The following CNOT10 variants were observed in gnomAD, a reference collection of about 807,000 sequenced individuals.
CNOT10 encodes the protein CCR4-NOT transcription complex, subunit 10.
A neutral mutation model predicts 94.6 loss-of-function variants in CNOT10; 30 were observed. The observed-to-expected ratio is 0.32, with a 90% CI of 0.24 to 0.43. The LOEUF (loss-of-function observed/expected upper bound fraction) is 0.43, where lower values mean the gene tolerates loss of function less well. CNOT10 is among the 20% of genes least tolerant of loss of function. CNOT10 has a pLI of 1.00. For synonymous variants in CNOT10, 289 were observed against 301.6 expected (o/e 0.96, Z 0.43); for missense variants, 759 against 877.2 (o/e 0.87, Z 1.70).
intron 9 of CNOT10, among the ~76,000 whole-genome samples, chr3:32,726,297 G>A (rs1040100140): frequency 6.6e-6 from 1 of 152,050 alleles, no homozygotes. Flanking sequence ...AGCATCTGAC[G>A]GTCTTTAAGC....
chr3:32,772,094 T>G (rs1700931618), intron 18 of CNOT10, among the ~76,000 whole-genome samples: 1 of 152,182 alleles, frequency 6.6e-6, no homozygotes, highest in African/African-American at 2.4e-5. Context: ...CTCATGCATG[T>G]AATCCCAACA....
chr3:32,723,387 G>A (rs113324150), intron 8 of CNOT10, among the ~76,000 whole-genome samples: 5,476 of 145,680 alleles, frequency 0.038, 166 homozygotes, highest in Middle Eastern at 0.079. Context: ...GTGAGACTCC[G>A]TCTCAAAAAA....
At chr3:32,709,498 T>G (rs1697771392) in intron 4 of CNOT10, among the ~76,000 whole-genome samples, 1 of 152,206 alleles carries the variant, frequency 6.6e-6, no homozygotes, top group Admixed American at 6.5e-5. Context: ...GCCTGATTGC[T>G]CATGTGGTTA....
chr3:32,716,377 C>A, intron 6 of CNOT10, 66 bp downstream of exon 6: 1 of 770,988 alleles, frequency 1.3e-6, no homozygotes, highest in Non-Finnish European at 2.2e-6. Context: ...ACAAATGAAG[C>A]AATGAGATAG....
chr3:32,704,067 C>CAATTTTTACTCTGTA, intron 2 of CNOT10, 105 bp downstream of exon 2: 3 of 623,526 alleles, frequency 4.8e-6, no homozygotes, highest in Admixed American at 6.6e-5. Context: ...TGTAATAATT[C>CAATTTTTACTCTGTA]AAAAGTTAAT....
chr3:32,713,222 C>A lies in CNOT10; in HGVS notation c.431-5C>A. ...CTATTCTTTTCTGTGTTTTTTTTCT[C>A]CCAGAAGAAAAATTTGCCCAAGCAG... On this transcript the variant is annotated splice_polypyrimidine_tract_variant and splice_region_variant and intron_variant, in intron 4 of 18. Transcript: ENST00000328834. The A allele has an allele frequency of 1.3e-6, 2 of 1,555,268 alleles. No individual in the cohort carries two copies. The highest frequency in any genetic ancestry group is 8.6e-7 in the Non-Finnish European group (1 of 1,161,250).
In CNOT10 at chr3:32,704,936, T is replaced by C. The variant is rs367624838; in HGVS notation, c.243T>C (p.Asp81=). 13 of 1,550,844 alleles carry C rather than the reference T, an allele frequency of 8.4e-6. 1 individual carries two copies. The African/African-American group carries it at 1.4e-4, about 17-fold the overall frequency. Reference sequence around the variant, plus strand: ...TTAAAAGTAACCAAACAACAACAGATAATTTGAGACAAACACTTAACCAGC... The same window carrying C: ...TTAAAAGTAACCAAACAACAACAGACAATTTGAGACAAACACTTAACCAGC... The part of the protein sequence containing the change: ...EFFKSNQTTT[D]NLRQTLNQLK... The change falls in exon 3 of 19, where the codon GAT becomes GAC. Residue 81 remains aspartate (D), a synonymous_variant. Coordinates refer to ENST00000328834, the MANE Select transcript of CNOT10 (RefSeq NM_015442.3).
chr3:32,756,539 C>T (rs909885899), intron 13 of CNOT10, among the ~76,000 whole-genome samples: 29 of 152,132 alleles, frequency 1.9e-4, no homozygotes, highest in African/African-American at 5.1e-4. Context: ...TGGGTCTTGT[C>T]CTAGACTCTA....
chr3:32,728,708 A>T (rs1698796022), intron 10 of CNOT10, among the ~76,000 whole-genome samples: 1 of 152,214 alleles, frequency 6.6e-6, no homozygotes, highest in East Asian at 1.9e-4. Flanking sequence ...AGCCAGTGAG[A>T]AAGTCATGTA....
At chr3:32,748,116 C>G (rs1265268123) in intron 13 of CNOT10, among the ~76,000 whole-genome samples, 2 of 152,206 alleles carry the variant, frequency 1.3e-5, no homozygotes, top group East Asian at 3.9e-4. Flanking sequence ...CCTTGGCCCC[C>G]CAAAGCATCG....
At chr3:32,742,879 A>T (rs1240939025) in intron 13 of CNOT10, among the ~76,000 whole-genome samples, 1 of 152,186 alleles carries the variant, frequency 6.6e-6, no homozygotes, top group Non-Finnish European at 1.5e-5. Flanking sequence ...TGCTGCAGTG[A>T]ATATGGTTAT....
At chr3:32,723,124 TG>T (rs962777018) in intron 8 of CNOT10, among the ~76,000 whole-genome samples, 1 of 152,162 alleles carries the variant, frequency 6.6e-6, no homozygotes, top group African/African-American at 2.4e-5. Flanking sequence ...CCGGGCACGG[TG>T]GCTCACACCT....
At chr3:32,723,953 G>A (rs928354798) in intron 8 of CNOT10, among the ~76,000 whole-genome samples, 5 of 152,094 alleles carry the variant, frequency 3.3e-5, no homozygotes, top group Non-Finnish European at 5.9e-5. Flanking sequence ...GGTGGCCCGT[G>A]CCTGTAGTCC....
At chr3:32,773,383 G>A in intron 18 of CNOT10, 74 bp from the exon 19 acceptor site, 1 of 1,456,546 alleles carries the variant, frequency 6.9e-7, no homozygotes, top group South Asian at 1.4e-5. Context: ...CTCCCCAGCA[G>A]GATTTTCATG....
chr3:32,686,413 CAAAT>C (rs1696603280), intron 1 of CNOT10, among the ~76,000 whole-genome samples: 1 of 152,074 alleles, frequency 6.6e-6, no homozygotes, highest in African/African-American at 2.4e-5. Context: ...CAATAACTGA[CAAAT>C]GAACTTCACT....
At chr3:32,712,883 A>G (rs1697953162) in intron 4 of CNOT10, among the ~76,000 whole-genome samples, 2 of 152,174 alleles carry the variant, frequency 1.3e-5, no homozygotes, top group Admixed American at 6.5e-5. Context: ...CAAATTTCAG[A>G]TTTCAACATT....
At chr3:32,763,379 G>A (rs954410427) in intron 15 of CNOT10, among the ~76,000 whole-genome samples, 10 of 152,122 alleles carry the variant, frequency 6.6e-5, no homozygotes, top group African/African-American at 1.7e-4. Flanking sequence ...TGTCGGGTGC[G>A]GTGGCTCACA....
At chr3:32,713,506 ACAATTTTCAT>A in intron 5 of CNOT10, 137 bp downstream of exon 5, 1 of 660,502 alleles carries the variant, frequency 1.5e-6, no homozygotes. Context: ...GCTTAAAGAT[ACAATTTTCAT>A]ATTATAAGCT....
Position 32,757,110 on chromosome 3 carries a change from GAAAAAAAA to G in CNOT10, c.1596-2339_1596-2332del, listed in dbSNP as rs1167248770. On this transcript the variant is annotated intron_variant, in intron 13 of 18. Transcript: ENST00000328834. Reference sequence around the variant, plus strand: ...AACAGAGCAAGACTCCGTCTCAAAAGAAAAAAAAAAAAAAAAGATACTAAATTTTGTAA... The same window carrying G: ...AACAGAGCAAGACTCCGTCTCAAAAGAAAAAAAAGATACTAAATTTTGTAA... Among the ~76,000 whole-genome samples the G allele has an allele frequency of 5.1e-4, 26 of 50,942 alleles. 1 individual carries two copies. The South Asian group carries it at 0.018, about 36-fold the overall frequency. 33.4% of individuals were successfully genotyped at this position (50,942 alleles called of 152,430 possible). A position where few individuals can be genotyped will look rare whatever the true frequency, so the allele number is the denominator to read the frequency against.
Sources: allele counts gnomAD v4.1 joint callset (sites outside exome capture counted in the v4.1 genomes callset), GRCh38; gene constraint gnomAD v4.1.1; transcripts MANE v1.5; gene names NCBI Gene and HGNC (gene_info 2026-07-23, HGNC 2026-07-21).